CSGALNACT1: variants seen among roughly 807,000 people sequenced by gnomAD.
CSGALNACT1 encodes chondroitin sulfate N-acetylgalactosaminyltransferase 1.
Under a neutral mutation model 51.0 loss-of-function variants are expected in CSGALNACT1, and 52 were observed. The observed-to-expected ratio is 1.02, with a 90% confidence interval of 0.82 to 1.29. CSGALNACT1 has a LOEUF of 1.29. Among genes scored for constraint, CSGALNACT1 ranks in the 50% most tolerant of loss-of-function variants. The probability of loss-of-function intolerance (pLI) is 0.00; values close to 1 mark genes in which losing one functional copy is unlikely to be tolerated. For synonymous variants in CSGALNACT1, 341 were observed against 254.4 expected, an observed-to-expected ratio of 1.34 and a Z score of -3.24; for missense variants, 935 against 679.2, an observed-to-expected ratio of 1.38 and a Z score of -4.19.
chr8:19,501,892 C>T (rs368850915), intron 4 of CSGALNACT1, among the ~76,000 whole-genome samples: 1 of 152,226 alleles, frequency 6.6e-6, no homozygotes, highest in Non-Finnish European at 1.5e-5. Context: ...TCTCACTTCT[C>T]TTCCCAGATG....
chr8:19,459,972 A>C (rs1192346467), intron 4 of CSGALNACT1, among the ~76,000 whole-genome samples: 2 of 152,146 alleles, frequency 1.3e-5, no homozygotes, highest in Non-Finnish European at 1.5e-5. Flanking sequence ...CCCTCTCAGA[A>C]CAAGCCTCCC....
intron 1 of CSGALNACT1, among the ~76,000 whole-genome samples, chr8:19,756,582 C>T (rs1296996698): frequency 6.6e-6 from 1 of 151,058 alleles, no homozygotes; most frequent in Non-Finnish European, 1.5e-5. Flanking sequence ...TAGCCCCCAT[C>T]CCACCCCAAG....
At chr8:19,571,112 A>T (rs1021556651) in intron 3 of CSGALNACT1, among the ~76,000 whole-genome samples, 1 of 152,154 alleles carries the variant, frequency 6.6e-6, no homozygotes, top group African/African-American at 2.4e-5. Context: ...CTGGAACCAA[A>T]GAAGTGTGTC....
chr8:19,434,006 G>T (rs903720770), intron 6 of CSGALNACT1, among the ~76,000 whole-genome samples: 1 of 152,246 alleles, frequency 6.6e-6, no homozygotes, highest in East Asian at 1.9e-4. Context: ...TGGAGTCAGG[G>T]ATGGGAATAG....
intron 1 of CSGALNACT1, among the ~76,000 whole-genome samples, chr8:19,698,388 C>A (rs1644208303): frequency 6.6e-6 from 1 of 152,164 alleles, no homozygotes; most frequent in Non-Finnish European, 1.5e-5. Flanking sequence ...CATGCTTTTG[C>A]TCTCATGGGA....
At chr8:19,663,967 C>T (rs980500504) in intron 1 of CSGALNACT1, among the ~76,000 whole-genome samples, 1 of 152,136 alleles carries the variant, frequency 6.6e-6, no homozygotes, top group African/African-American at 2.4e-5. Context: ...GAAGTGACAC[C>T]ATCTTCACAG....
intron 5 of CSGALNACT1, among the ~76,000 whole-genome samples, chr8:19,454,634 G>A (rs536930223): frequency 1.3e-5 from 2 of 152,282 alleles, no homozygotes; most frequent in East Asian, 3.9e-4. Flanking sequence ...TTCTGCCACT[G>A]CACTCCAGCC....
chr8:19,471,140 GA>G (rs1364971071), intron 4 of CSGALNACT1, among the ~76,000 whole-genome samples: 10 of 148,736 alleles, frequency 6.7e-5, no homozygotes, highest in East Asian at 2.0e-4. Context: ...GAGAGAGAGA[GA>G]AAAAAAAAGG....
At chr8:19,703,893 A>G (rs1031745384) in intron 1 of CSGALNACT1, among the ~76,000 whole-genome samples, 1 of 152,136 alleles carries the variant, frequency 6.6e-6, no homozygotes, top group Non-Finnish European at 1.5e-5. Flanking sequence ...CCCTTATCCT[A>G]CACGCAGCTC....
intron 5 of CSGALNACT1, among the ~76,000 whole-genome samples, chr8:19,455,765 T>A (rs2063957232): frequency 6.6e-6 from 1 of 152,222 alleles, no homozygotes; most frequent in Non-Finnish European, 1.5e-5. Context: ...CCAGATTCTC[T>A]TTGTGTCCCA....
At chr8:19,610,289 C>CA (rs58262538) in intron 1 of CSGALNACT1, among the ~76,000 whole-genome samples, 3,450 of 47,190 alleles carry the variant, frequency 0.073, 174 homozygotes, top group Admixed American at 0.13. Context: ...GACTCCGTCT[C>CA]AAAAAAAAAA....
rs2065459056 is a variant in CSGALNACT1, at chr8:19,757,239, G to A, written c.-297+611C>T. 6.7e-6 allele frequency: 1 copy of A among 149,818 alleles called. No individual in the cohort carries two copies. The highest frequency in any genetic ancestry group is 6.6e-5 in the Admixed American group (1 of 15,070). 9.3% of individuals were successfully genotyped at this position (149,818 alleles called of 1,614,324 possible). A position where few individuals can be genotyped will look rare whatever the true frequency, so the allele number is the denominator to read the frequency against. On this transcript the variant is annotated intron_variant, in intron 1 of 1. Coordinates refer to the CSGALNACT1 transcript ENST00000517494. This position sits in a 1 kb window ranked among gnomAD's most constrained non-coding sequence, Gnocchi z 4.0. ...GGCTCCGGCCGCTGCCGCCGTCGCT[G>A]AACTTTCCCTCCTGCGCGGCCGCCG...
chr8:19,613,049 G>C (rs539650699), intron 1 of CSGALNACT1, among the ~76,000 whole-genome samples: 1 of 137,102 alleles, frequency 7.3e-6, no homozygotes, highest in South Asian at 2.4e-4. Flanking sequence ...TCCATATTTT[G>C]GGGTTTTCAC....
chr8:19,681,669 A>C (rs535015360), intron 1 of CSGALNACT1, among the ~76,000 whole-genome samples: 20 of 152,198 alleles, frequency 1.3e-4, no homozygotes, highest in African/African-American at 4.8e-4. Flanking sequence ...CGGCACTTGC[A>C]GCACCTCATC....
intron 1 of CSGALNACT1, among the ~76,000 whole-genome samples, chr8:19,613,713 A>G (rs558169953): frequency 2.8e-4 from 43 of 152,362 alleles, no homozygotes; most frequent in African/African-American, 1.0e-3. Flanking sequence ...TGTGACTTTT[A>G]TTATAAATCA....
At chr8:19,702,109 T>C (rs2061913111) in intron 1 of CSGALNACT1, among the ~76,000 whole-genome samples, 1 of 152,168 alleles carries the variant, frequency 6.6e-6, no homozygotes, top group Non-Finnish European at 1.5e-5. Context: ...TCCTAACAGA[T>C]GCCCTTGTTT....
At chr8:19,447,626 C>A (rs1291238798) in intron 5 of CSGALNACT1, among the ~76,000 whole-genome samples, 1 of 152,198 alleles carries the variant, frequency 6.6e-6, no homozygotes, top group Non-Finnish European at 1.5e-5. Context: ...GATGTGACAA[C>A]CAAACAGATC....
intron 1 of CSGALNACT1, among the ~76,000 whole-genome samples, chr8:19,651,471 T>C (rs1354155733): frequency 1.3e-5 from 2 of 152,194 alleles, no homozygotes; most frequent in African/African-American, 4.8e-5. Flanking sequence ...TGTGTTCATG[T>C]GTACTCAACG....
intron 1 of CSGALNACT1, among the ~76,000 whole-genome samples, chr8:19,742,387 G>C (rs1263338761): frequency 6.6e-6 from 1 of 152,212 alleles, no homozygotes; most frequent in Non-Finnish European, 1.5e-5. Flanking sequence ...TTTATCTCTT[G>C]GGTCCTTTTC....
Sources: gnomAD v4.1 joint callset for allele counts (sites outside exome capture counted in the v4.1 genomes callset) on GRCh38, gnomAD v4.1.1 for gene constraint, Gnocchi (gnomAD v3.1) non-coding constraint, MANE v1.5 for transcripts, NCBI Gene and HGNC (gene_info 2026-07-23, HGNC 2026-07-21) for gene names.